Variants in PCDHGA5 observed in about 807,000 individuals in gnomAD.
PCDHGA5 encodes the protein protocadherin gamma subfamily A, 5, also known as protocadherin gamma-A5.
PCDHGA5 carries 36 observed loss-of-function variants against 56.7 expected under a neutral mutation model. That is an observed-to-expected ratio of 0.64 (90% CI 0.49 to 0.84). The LOEUF (loss-of-function observed/expected upper bound fraction) is 0.84, where lower values mean the gene tolerates loss of function less well. Ranked by LOEUF, PCDHGA5 falls within the 40% of genes least tolerant of loss-of-function variation. The probability of loss-of-function intolerance (pLI) is 0.00; values close to 1 mark genes in which losing one functional copy is unlikely to be tolerated. For synonymous variants in PCDHGA5, 563 were observed against 520.2 expected, an observed-to-expected ratio of 1.08 and a Z score of -1.12; for missense variants, 1,305 against 1,201.5, an observed-to-expected ratio of 1.09 and a Z score of -1.27.
At chr5:141,368,272 C>A (rs1227481804) in intron 1 of PCDHGA5, among the ~76,000 whole-genome samples, 1 of 152,064 alleles carries the variant, frequency 6.6e-6, no homozygotes, top group African/African-American at 2.4e-5. Flanking sequence ...ATTAAAGAAC[C>A]TAAGACCACT....
intron 1 of PCDHGA5, chr5:141,370,454 C>A: frequency 6.2e-7 from 1 of 1,611,484 alleles, no homozygotes; most frequent in Non-Finnish European, 8.5e-7. Context: ...TATTTCTCTT[C>A]CTGCTCTCTT....
intron 1 of PCDHGA5, chr5:141,414,638 A>G: frequency 6.2e-7 from 1 of 1,613,988 alleles, no homozygotes; most frequent in Non-Finnish European, 8.5e-7. Flanking sequence ...AGCAAAGAGA[A>G]TGCCCAGATT....
intron 1 of PCDHGA5, among the ~76,000 whole-genome samples, chr5:141,439,635 C>T (rs1326926948): frequency 3.3e-5 from 5 of 152,274 alleles, no homozygotes; most frequent in Middle Eastern, 3.4e-3. Context: ...CCAGACATTC[C>T]GGCTTGGTGG....
Position 141,491,900 on chromosome 5 carries a change from G to A in PCDHGA5, c.2422-2907G>A, listed in dbSNP as rs1268804496. 7.0e-7 allele frequency: 1 copy of A among 1,429,818 alleles called. No individual in the cohort carries two copies. Among genetic ancestry groups the A allele is most frequent in the East Asian group, 2.5e-5 (1 of 39,444 alleles). The allele number at this position is 1,429,818 out of a possible 1,614,324, so 88.6% of individuals were successfully genotyped here. A position where few individuals can be genotyped will look rare whatever the true frequency, so the allele number is the denominator to read the frequency against. ...TAAGGGATGGGGCTCCGAGCACCGGGGGTGGTGGCGACTGTGGGCGAGGGG... is the reference window on the plus strand; with the variant it reads ...TAAGGGATGGGGCTCCGAGCACCGGAGGTGGTGGCGACTGTGGGCGAGGGG... On this transcript the variant is annotated intron_variant, in intron 1 of 3. Coordinates refer to ENST00000518069, the MANE Select transcript of PCDHGA5 (RefSeq NM_018918.3). This position sits in a 1 kb window ranked among gnomAD's most constrained non-coding sequence, Gnocchi z 6.9.
chr5:141,500,989 C>T (rs779352768), intron 2 of PCDHGA5, among the ~76,000 whole-genome samples: 1 of 152,040 alleles, frequency 6.6e-6, no homozygotes, highest in Non-Finnish European at 1.5e-5. Context: ...CTGCCTCAGC[C>T]TCCTGAGTAG....
chr5:141,508,409 G>T (rs143032030), intron 3 of PCDHGA5: 4 of 152,276 alleles, frequency 2.6e-5, no homozygotes, highest in South Asian at 2.1e-4. Context: ...CTTGAGCCAC[G>T]CAGAGACTTG....
At chr5:141,370,675 A>G (rs567328067) in intron 1 of PCDHGA5, 2 of 1,613,844 alleles carry the variant, frequency 1.2e-6, no homozygotes, top group African/African-American at 2.7e-5. Flanking sequence ...GACCGAGAGG[A>G]GATTTGTGGC....
chr5:141,485,980 G>C lies in PCDHGA5; in HGVS notation c.2422-8827G>C, dbSNP rs151239937. 1 of 1,614,020 alleles carries C rather than the reference G, an allele frequency of 6.2e-7. No individual in the cohort carries two copies. The highest frequency in any genetic ancestry group is 1.3e-5 in the African/African-American group (1 of 74,914). The stretch of plus-strand genomic sequence containing the variant: ...TCATCCAGCTCAATGCCTCAGACCC[G>C]GACCTGGGTCCCAGTGGTAACGTCA... On this transcript the variant is annotated intron_variant, in intron 1 of 3. Transcript: ENST00000518069. The surrounding 1 kb of genome is among the most constrained non-coding windows in gnomAD (Gnocchi z 5.7).
intron 1 of PCDHGA5, chr5:141,371,406 T>C: frequency 6.2e-7 from 1 of 1,613,960 alleles, no homozygotes; most frequent in Non-Finnish European, 8.5e-7. Flanking sequence ...GATAGATATT[T>C]CAGATGAAAA....
intron 1 of PCDHGA5, among the ~76,000 whole-genome samples, chr5:141,407,122 G>A (rs987492570): frequency 3.9e-5 from 6 of 152,094 alleles, no homozygotes; most frequent in African/African-American, 1.4e-4. Context: ...GGTTTCAGTT[G>A]CTTTATTTTT....
intron 1 of PCDHGA5, among the ~76,000 whole-genome samples, chr5:141,445,920 A>C (rs1343777309): frequency 6.6e-6 from 1 of 152,212 alleles, no homozygotes; most frequent in African/African-American, 2.4e-5. Context: ...GGCAGTGACA[A>C]GATATTTGAA....
intron 1 of PCDHGA5, chr5:141,415,846 G>A: frequency 3.2e-6 from 4 of 1,240,536 alleles, no homozygotes; most frequent in Non-Finnish European, 4.2e-6. Flanking sequence ...TAGCTTTGCA[G>A]AACCTTGTAG....
Position 141,511,381 on chromosome 5 carries a change from G to C in PCDHGA5, c.*208G>C. 8.5e-7 allele frequency: 1 copy of C among 1,170,380 alleles called. No individual in the cohort carries two copies. Among genetic ancestry groups the C allele is most frequent in the Non-Finnish European group, 1.2e-6 (1 of 854,768 alleles). 72.5% of individuals were successfully genotyped at this position (1,170,380 alleles called of 1,614,324 possible). On this transcript the variant is annotated 3_prime_UTR_variant, in exon 4 of 4. Coordinates refer to ENST00000518069, the MANE Select transcript of PCDHGA5 (RefSeq NM_018918.3). The stretch of plus-strand genomic sequence containing the variant: ...GGGTTGAATATGCAAAAGCAGTTCC[G>C]CTGGGAACCCCCATCCAATCAACTG...
Position 141,431,003 on chromosome 5 carries a change from G to C in PCDHGA5, c.2422-63804G>C. The C allele has an allele frequency of 6.2e-7, 1 of 1,614,078 alleles. No individual in the cohort carries two copies. The highest frequency in any genetic ancestry group is 8.5e-7 in the Non-Finnish European group (1 of 1,179,974). On this transcript the variant is annotated intron_variant, in intron 1 of 3. Transcript: ENST00000518069. The surrounding 1 kb of genome is among the most constrained non-coding windows in gnomAD (Gnocchi z 4.8). ...GCTTTTCGCCCTGAATCCGCGCAGC[G>C]GCAGCTTGGTCACGGCGGGCAGGAT... is the stretch of plus-strand genomic sequence containing the variant.
At chr5:141,392,627 G>C (rs4151699) in intron 1 of PCDHGA5, 43,187 of 584,208 alleles carry the variant, frequency 0.074, 2,003 homozygotes, top group Non-Finnish European at 0.093. Flanking sequence ...AAAACACTCA[G>C]ATCTCACACC....
rs147534370 is a variant in PCDHGA5 at position 141,511,170 on chromosome 5, G to A, written c.2793G>A (p.Lys931=). ...AGAAGTCGGGCAAGAAGGAGAAGAA[G>A]TAACATGGAGGCCAGGCCAAGAGCC... ...NKKKSGKKEK[K] The change falls in exon 4 of 4, where the codon AAG becomes AAA. Residue 931 remains lysine (K), a synonymous_variant. Coordinates refer to ENST00000518069, the MANE Select transcript of PCDHGA5 (RefSeq NM_018918.3). 1.9e-6 allele frequency: 3 copies of A among 1,613,988 alleles called. No homozygotes were observed. The highest frequency in any genetic ancestry group is 2.5e-6 in the Non-Finnish European group (3 of 1,179,990).
chr5:141,419,571 G>C, intron 1 of PCDHGA5: 1 of 1,611,704 alleles, frequency 6.2e-7, no homozygotes. Context: ...GGTCCCGACG[G>C]CTCCGCGCTC....
intron 1 of PCDHGA5, chr5:141,403,221 T>G (rs899056141): frequency 1.3e-5 from 21 of 1,613,974 alleles, no homozygotes; most frequent in Non-Finnish European, 1.8e-5. Flanking sequence ...GCGGGTAGGA[T>G]AGACCGGGAG....
intron 1 of PCDHGA5, among the ~76,000 whole-genome samples, chr5:141,386,454 C>T (rs1377987276): frequency 6.6e-6 from 1 of 152,064 alleles, no homozygotes; most frequent in South Asian, 2.1e-4. Flanking sequence ...GGCAAGAGGA[C>T]AGCTTGAACC....
Sources: gnomAD v4.1 joint callset for allele counts (sites outside exome capture counted in the v4.1 genomes callset) on GRCh38, gnomAD v4.1.1 for gene constraint, Gnocchi (gnomAD v3.1) non-coding constraint, MANE v1.5 for transcripts, NCBI Gene and HGNC (gene_info 2026-07-23, HGNC 2026-07-21) for gene names.